The following POU2F3 variants were observed in gnomAD, a reference collection of about 807,000 sequenced individuals.
The protein encoded by POU2F3 is POU domain, class 2, transcription factor 3.
POU2F3 carries 23 observed loss-of-function variants against 59.2 expected under a neutral mutation model. The ratio of observed to expected loss-of-function variants is 0.39; its 90% CI spans 0.28 to 0.55. The LOEUF (loss-of-function observed/expected upper bound fraction) is 0.55, where lower values mean the gene tolerates loss of function less well. Among genes scored for constraint, POU2F3 ranks in the 20% least tolerant of loss-of-function variants. The pLI is 0.66. For synonymous variants in POU2F3, 190 were observed against 214.6 expected, an observed-to-expected ratio of 0.89 and a Z score of 1.00; for missense variants, 473 against 544.5, an observed-to-expected ratio of 0.87 and a Z score of 1.31.
chr11:120,289,308 C>A (rs1480273180), intron 3 of POU2F3, among the ~76,000 whole-genome samples: 1 of 152,184 alleles, frequency 6.6e-6, no homozygotes, highest in African/African-American at 2.4e-5. Context: ...CCAGTCTGCG[C>A]TGTTTGGGCC....
intron 1 of POU2F3, 101 bp from the exon 2 acceptor site, chr11:120,246,348 T>G: frequency 8.6e-7 from 1 of 1,168,126 alleles, no homozygotes. Context: ...CTGATGGTTG[T>G]TGTAATTACA....
chr11:120,298,877 G>A (rs1941265280), intron 4 of POU2F3, among the ~76,000 whole-genome samples: 1 of 152,212 alleles, frequency 6.6e-6, no homozygotes, highest in African/African-American at 2.4e-5. Context: ...GATCACCTGG[G>A]GGAGAAAGAG....
At chr11:120,298,107 A>G (rs1399275623) in intron 3 of POU2F3, among the ~76,000 whole-genome samples, 158 bp from the exon 4 acceptor site, 1 of 152,030 alleles carries the variant, frequency 6.6e-6, no homozygotes, top group Admixed American at 6.5e-5. Context: ...AAGGGCACAC[A>G]CAGGCAGGAA....
intron 3 of POU2F3, among the ~76,000 whole-genome samples, chr11:120,295,741 A>G (rs1941176212): frequency 1.3e-5 from 2 of 152,222 alleles, no homozygotes; most frequent in South Asian, 4.1e-4. Context: ...GGCATGGAGC[A>G]AAGAAGTGGG....
chr11:120,313,365 C>A (rs1315752819), intron 10 of POU2F3, among the ~76,000 whole-genome samples: 1 of 152,192 alleles, frequency 6.6e-6, no homozygotes, highest in Admixed American at 6.5e-5. Flanking sequence ...ACCACACAGG[C>A]GTTACCCTGC....
chr11:120,268,367 G>T (rs983210596), intron 2 of POU2F3, among the ~76,000 whole-genome samples: 2 of 152,000 alleles, frequency 1.3e-5, no homozygotes, highest in Non-Finnish European at 2.9e-5. Flanking sequence ...TTGAGACAGG[G>T]TCTCATTCTG....
At chr11:120,269,157 A>T (rs1286743552) in intron 2 of POU2F3, 53 bp from the exon 3 acceptor site, 1 of 1,429,876 alleles carries the variant, frequency 7.0e-7, no homozygotes, top group Non-Finnish European at 9.8e-7. Context: ...TCTAACCTTC[A>T]GCTCTTCCAA....
intron 3 of POU2F3, among the ~76,000 whole-genome samples, chr11:120,292,467 T>G (rs1941056728): frequency 6.6e-6 from 1 of 152,226 alleles, no homozygotes; most frequent in Non-Finnish European, 1.5e-5. Context: ...CAGAGTTTGA[T>G]GCTTAGCATT....
At chr11:120,246,567 G>T in intron 2 of POU2F3, 50 bp downstream of exon 2, 3 of 1,582,546 alleles carry the variant, frequency 1.9e-6, no homozygotes, top group Admixed American at 3.3e-5. Context: ...GAAGAGAGTT[G>T]TTGGGAATTG....
At chr11:120,275,899 G>A (rs1324530723) in intron 3 of POU2F3, among the ~76,000 whole-genome samples, 1 of 152,220 alleles carries the variant, frequency 6.6e-6, no homozygotes, top group Non-Finnish European at 1.5e-5. Flanking sequence ...TTTGTTGAAT[G>A]TGACCAACCA....
chr11:120,236,658 T>C (rs1433590181), upstream of POU2F3: 1 of 1,492,482 alleles, frequency 6.7e-7, no homozygotes, highest in East Asian at 2.5e-5. Flanking sequence ...AGCCCAGAGC[T>C]CAAAAAACCG....
chr11:120,307,688 C>T (rs1477578804), intron 9 of POU2F3, 73 bp downstream of exon 9: 3 of 1,581,964 alleles, frequency 1.9e-6, no homozygotes, highest in Admixed American at 3.4e-5. Context: ...GGCCCAGGCC[C>T]CTTGGCACCA....
chr11:120,313,648 C>T (rs1032334876), intron 10 of POU2F3, among the ~76,000 whole-genome samples: 1 of 152,152 alleles, frequency 6.6e-6, no homozygotes, highest in African/African-American at 2.4e-5. Flanking sequence ...TATGTCTGTT[C>T]GCATATGCCT....
intron 8 of POU2F3, among the ~76,000 whole-genome samples, chr11:120,306,270 T>G (rs10750171): frequency 0.6 from 91,925 of 152,014 alleles, 29,514 homozygotes; most frequent in East Asian, 0.89. Context: ...CTGCAACCCA[T>G]GCTGGTCAGG....
At chr11:120,246,279 G>A (rs1938872113) in intron 1 of POU2F3, among the ~76,000 whole-genome samples, 170 bp from the exon 2 acceptor site, 1 of 152,122 alleles carries the variant, frequency 6.6e-6, no homozygotes, top group East Asian at 1.9e-4. Context: ...GGGGATCCGT[G>A]CCCTCAAGCT....
chr11:120,263,283 C>T (rs1211574802), intron 2 of POU2F3, among the ~76,000 whole-genome samples: 3 of 152,226 alleles, frequency 2.0e-5, no homozygotes, highest in Non-Finnish European at 4.4e-5. Context: ...ACCCACCGCG[C>T]CCAGCCTACC....
Position 120,315,785 on chromosome 11 carries a change from A to G in POU2F3, c.1135+358A>G, listed in dbSNP as rs1941768299. ...TTATTTCAACGCACTAGACAGGATG[A>G]TCGCATGCCCAAGGGTGGCCAGGAC... On this transcript the variant is annotated intron_variant, in intron 11 of 12. Coordinates refer to ENST00000543440, the MANE Select transcript of POU2F3 (RefSeq NM_014352.4). Among the ~76,000 whole-genome samples, 3 of 151,796 alleles carry G rather than the reference A, an allele frequency of 2.0e-5. No individual in the cohort carries two copies. In the South Asian group the frequency reaches 6.2e-4, roughly 32 times the overall value.
intron 2 of POU2F3, among the ~76,000 whole-genome samples, chr11:120,253,208 A>T (rs919869659): frequency 4.5e-4 from 68 of 152,014 alleles, no homozygotes; most frequent in African/African-American, 1.5e-3. Context: ...CTCACACCCA[A>T]TTCAGCTGGA....
intron 3 of POU2F3, among the ~76,000 whole-genome samples, chr11:120,293,345 G>T (rs919448305): frequency 6.6e-6 from 1 of 152,198 alleles, no homozygotes; most frequent in Non-Finnish European, 1.5e-5. Flanking sequence ...AATGCAGCCG[G>T]TATCTCTTGG....
Sources: allele counts gnomAD v4.1 joint callset (sites outside exome capture counted in the v4.1 genomes callset), GRCh38; gene constraint gnomAD v4.1.1; transcripts MANE v1.5; gene names NCBI Gene and HGNC (gene_info 2026-07-23, HGNC 2026-07-21).